ADPRHL1: variants seen among roughly 807,000 people sequenced by gnomAD.
ADPRHL1 encodes the protein inactive ADP-ribosyltransferase ARH2.
Under a neutral mutation model 44.1 loss-of-function variants are expected in ADPRHL1, and 43 were observed. The ratio of observed to expected loss-of-function variants is 0.98; its 90% confidence interval spans 0.76 to 1.26. The LOEUF is 1.26. Among genes scored for constraint, ADPRHL1 ranks in the 50% most tolerant of loss-of-function variants. The pLI is 0.00. For synonymous variants in ADPRHL1, 878 were observed against 1,017.4 expected (o/e 0.86, Z 2.61); for missense variants, 2,022 against 2,496.9 (o/e 0.81, Z 4.05).
intron 7 of ADPRHL1, among the ~76,000 whole-genome samples, chr13:113,412,527 CCT>C (rs924132570): frequency 4.6e-5 from 7 of 152,240 alleles, no homozygotes; most frequent in East Asian, 1.9e-4. Flanking sequence ...ACAAGTCACC[CCT>C]GTTTCTGCCC....
At chr13:113,425,425 C>T (rs1478080964) in intron 4 of ADPRHL1, among the ~76,000 whole-genome samples, 2 of 152,214 alleles carry the variant, frequency 1.3e-5, no homozygotes, top group African/African-American at 2.4e-5. Flanking sequence ...TTTCCTGAGA[C>T]GAAGTCTCCC....
intron 3 of ADPRHL1, among the ~76,000 whole-genome samples, chr13:113,432,618 C>T (rs1049290090): frequency 7.2e-6 from 1 of 138,272 alleles, no homozygotes; most frequent in African/African-American, 2.7e-5. Context: ...CATCTGTCCC[C>T]AGGGTAGTAA....
chr13:113,409,142 C>T lies in ADPRHL1; in HGVS notation c.1062-922G>A, dbSNP rs559967651. Among the ~76,000 whole-genome samples, 39 of 152,242 alleles carry T rather than the reference C, an allele frequency of 2.6e-4. No homozygotes were observed. The highest frequency in any genetic ancestry group is 7.0e-4 in the African/African-American group (29 of 41,544). On this transcript the variant is annotated intron_variant, in intron 7 of 7. Coordinates refer to ENST00000612156, the MANE Select transcript of ADPRHL1 (RefSeq NM_001394807.1). This position sits in a 1 kb window ranked among gnomAD's most constrained non-coding sequence, Gnocchi z 4.2. ...CCCACCAGCCCAGCTTTCAAAGAGA[C>T]GGGACCAAATGGGTCTTGGCTGGAG...
chr13:113,428,656 G>A (rs949504401), intron 4 of ADPRHL1, among the ~76,000 whole-genome samples: 4 of 152,246 alleles, frequency 2.6e-5, no homozygotes, highest in South Asian at 4.1e-4. Context: ...TTGGTGCCGC[G>A]GGCTGGGGTG....
intron 2 of ADPRHL1, among the ~76,000 whole-genome samples, chr13:113,444,102 A>C (rs573516978): frequency 6.6e-6 from 1 of 152,332 alleles, no homozygotes; most frequent in East Asian, 1.9e-4. Flanking sequence ...GGCTGGGCTG[A>C]CCAGGAGGGG....
chr13:113,413,910 G>A (rs949284451), intron 7 of ADPRHL1, among the ~76,000 whole-genome samples: 5 of 152,376 alleles, frequency 3.3e-5, no homozygotes, highest in Admixed American at 2.0e-4. Context: ...CAGCCAGAGA[G>A]GTCGTTTGAA....
intron 1 of ADPRHL1, among the ~76,000 whole-genome samples, chr13:113,449,466 C>T (rs56172872): frequency 1.3e-5 from 2 of 149,272 alleles, no homozygotes; most frequent in African/African-American, 2.5e-5. Context: ...GAGACACACC[C>T]GGAAGGAGGC....
At position 113,441,095 on chromosome 13, in the gene ADPRHL1, G is replaced by C. The variant is rs1566480515; in HGVS notation, c.379+3330C>G. Among the ~76,000 whole-genome samples, 1 of 152,194 alleles carries C rather than the reference G, an allele frequency of 6.6e-6. No homozygotes were observed. Among genetic ancestry groups the C allele is most frequent in the Non-Finnish European group, 1.5e-5 (1 of 68,038 alleles). On this transcript the variant is annotated intron_variant, in intron 2 of 7. Coordinates refer to ENST00000612156, the MANE Select transcript of ADPRHL1 (RefSeq NM_001394807.1). The surrounding 1 kb of genome is among the most constrained non-coding windows in gnomAD (Gnocchi z 6.0). Reference sequence around the variant, plus strand: ...CTGAACCCGGGAAGTAGAGGTTGCAGTGAGCCAAAATTGCGCCACTGCACT... The same window carrying C: ...CTGAACCCGGGAAGTAGAGGTTGCACTGAGCCAAAATTGCGCCACTGCACT...
chr13:113,453,426 A>G lies in ADPRHL1; in HGVS notation c.12T>C (p.Phe4=). Residue 4 remains phenylalanine, a synonymous_variant, in exon 1 of 8, where the codon TTT becomes TTC. Coordinates refer to ENST00000612156, the MANE Select transcript of ADPRHL1 (RefSeq NM_001394807.1). This position sits in a 1 kb window ranked among gnomAD's most constrained non-coding sequence, Gnocchi z 5.4. MEK[F]KAAMLLGSVG... Reference sequence around the variant, plus strand: ...CGCTCCCCAGCAACATCGCAGCCTTAAATTTCTCCATCCCAGGAGGCAGCT... The same window carrying G: ...CGCTCCCCAGCAACATCGCAGCCTTGAATTTCTCCATCCCAGGAGGCAGCT... 1.2e-6 allele frequency: 2 copies of G among 1,614,042 alleles called. No individual in the cohort carries two copies. Among genetic ancestry groups the G allele is most frequent in the South Asian group, 2.2e-5 (2 of 91,084 alleles).
intron 3 of ADPRHL1, among the ~76,000 whole-genome samples, chr13:113,430,214 A>C (rs1446915184): frequency 2.0e-5 from 3 of 152,216 alleles, no homozygotes; most frequent in African/African-American, 7.2e-5. Flanking sequence ...GGAGCTCGGA[A>C]GAGACTGATC....
intron 7 of ADPRHL1, among the ~76,000 whole-genome samples, chr13:113,412,391 G>A (rs1391919738): frequency 2.6e-5 from 4 of 152,296 alleles, no homozygotes; most frequent in South Asian, 2.1e-4. Flanking sequence ...TGTTAGCCAG[G>A]ATGGTCTCGA....
rs2043813190 is a variant in ADPRHL1 at position 113,406,917 on chromosome 13, C to T, written c.2365G>A (p.Asp789Asn). ...EITMTVCSSE[D>N]EREGAGFPDP... The stretch of plus-strand genomic sequence containing the variant: ...GGGAAGCCTGCTCCTTCCCTTTCAT[C>T]CTCTGAACTGCAAACAGTCATGGTG... Residue 789 changes from aspartate (D) to asparagine (N), a missense_variant, in exon 8 of 8, where the codon GAT (aspartate) becomes AAT (asparagine). Around this residue, in one of 8 missense-constraint regions of ADPRHL1, gnomAD observed 1,221 missense variants for 1,517.8 expected, o/e 0.80. Transcript: ENST00000612156. The T allele has an allele frequency of 1.6e-6, 2 of 1,232,196 alleles. No individual in the cohort carries two copies. The highest frequency in any genetic ancestry group is 3.1e-5 in the African/African-American group (2 of 64,548). The allele number at this position is 1,232,196 out of a possible 1,614,324, so 76.3% of individuals were successfully genotyped here. A position where few individuals can be genotyped will look rare whatever the true frequency, so the allele number is the denominator to read the frequency against.
chr13:113,433,092 G>A (rs552675458), intron 3 of ADPRHL1, among the ~76,000 whole-genome samples: 3 of 149,568 alleles, frequency 2.0e-5, no homozygotes, highest in Admixed American at 6.6e-5. Context: ...TTAAGGGGGC[G>A]ACATGATCCA....
At chr13:113,421,009 C>A (rs2139614022) in intron 7 of ADPRHL1, among the ~76,000 whole-genome samples, 1 of 138,756 alleles carries the variant, frequency 7.2e-6, no homozygotes, top group South Asian at 2.5e-4. Context: ...TGGGACATGC[C>A]TACCCCTGGG....
rs140559183 is a variant in ADPRHL1, at chr13:113,441,815, C to T, written c.379+2610G>A. Among the ~76,000 whole-genome samples the T allele has an allele frequency of 0.015, 2,282 of 151,650 alleles. 31 individuals carry two copies. The highest frequency in any genetic ancestry group is 0.02 in the Middle Eastern group (6 of 294). ...CTCTATCACGCTTTACTCCACCACA[C>T]GGGTCCGTGTCTCTGTCACGTTGTG... On this transcript the variant is annotated intron_variant, in intron 2 of 7. Transcript: ENST00000612156. This position sits in a 1 kb window ranked among gnomAD's most constrained non-coding sequence, Gnocchi z 6.0.
intron 2 of ADPRHL1, among the ~76,000 whole-genome samples, chr13:113,440,041 T>C (rs1050296489): frequency 1.3e-5 from 2 of 152,218 alleles, no homozygotes; most frequent in South Asian, 4.1e-4. Flanking sequence ...TTGGTTTTAT[T>C]AATTTGCTCT....
rs1246462880 is a variant in ADPRHL1, at chr13:113,441,106, T to C, written c.379+3319A>G. Among the ~76,000 whole-genome samples, 2 of 152,036 alleles carry C rather than the reference T, an allele frequency of 1.3e-5. No individual in the cohort carries two copies. The highest frequency in any genetic ancestry group is 2.9e-5 in the Non-Finnish European group (2 of 67,994). On this transcript the variant is annotated intron_variant, in intron 2 of 7. Transcript: ENST00000612156. The surrounding 1 kb of genome is among the most constrained non-coding windows in gnomAD (Gnocchi z 6.0). ...AAGTAGAGGTTGCAGTGAGCCAAAA[T>C]TGCGCCACTGCACTCCAATCTGGGC...
intron 2 of ADPRHL1, among the ~76,000 whole-genome samples, chr13:113,440,560 A>G (rs973636237): frequency 5.9e-5 from 9 of 151,738 alleles, no homozygotes; most frequent in African/African-American, 2.2e-4. Context: ...GGTTCAAGCA[A>G]TTCTCCTGCC....
rs527959123 is a variant in ADPRHL1, at chr13:113,451,529, G to A, written c.214+1695C>T. On this transcript the variant is annotated intron_variant, in intron 1 of 7. Transcript: ENST00000612156. ...AACTTACTTCCTCCTTAAGAATAGC[G>A]CCCCATGGTGGCTCACGCCTGTCAT... 4.6e-5 allele frequency among the ~76,000 whole-genome samples: 7 copies of A among 152,148 alleles called. No individual in the cohort carries two copies. The South Asian group carries it at 6.2e-4, about 14-fold the overall frequency.
Sources: gnomAD v4.1 joint callset for allele counts (sites outside exome capture counted in the v4.1 genomes callset) on GRCh38, gnomAD v4.1.1 for gene constraint, gnomAD v4.1.1 regional missense constraint, Gnocchi (gnomAD v3.1) non-coding constraint, MANE v1.5 for transcripts, NCBI Gene and HGNC (gene_info 2026-07-23, HGNC 2026-07-21) for gene names.